TAFA5: variants seen among roughly 807,000 people sequenced by gnomAD.
TAFA5 encodes the protein chemokine-like protein TAFA-5.
TAFA5 carries 6 observed loss-of-function variants against 15.3 expected under a neutral mutation model. The observed-to-expected ratio is 0.39, with a 90% CI of 0.21 to 0.77. TAFA5 has a LOEUF of 0.77. Among genes scored for constraint, TAFA5 ranks in the 30% least tolerant of loss-of-function variants. TAFA5 has a pLI of 0.41. For missense variants in TAFA5, 161 were observed against 193.1 expected, an observed-to-expected ratio of 0.83 and a Z score of 0.98; for synonymous variants, 103 against 80.7, an observed-to-expected ratio of 1.28 and a Z score of -1.48.
chr22:48,676,605 G>T (rs1390517630), intron 2 of TAFA5, among the ~76,000 whole-genome samples: 3 of 152,190 alleles, frequency 2.0e-5, no homozygotes, highest in Non-Finnish European at 2.9e-5. Context: ...CCTGCAAATG[G>T]CCCCCCACGA....
intron 3 of TAFA5, among the ~76,000 whole-genome samples, chr22:48,708,597 A>C (rs132240): frequency 6.6e-6 from 1 of 152,076 alleles, no homozygotes; most frequent in African/African-American, 2.4e-5. Flanking sequence ...CATTCCCATG[A>C]GGTGGCCTCA....
At position 48,600,804 on chromosome 22, in the gene TAFA5, A is replaced by G. The variant is rs139395094; in HGVS notation, c.113-45793A>G. Among the ~76,000 whole-genome samples, 569 of 152,308 alleles carry G rather than the reference A, an allele frequency of 3.7e-3. 2 individuals carry two copies. Among genetic ancestry groups the G allele is most frequent in the Non-Finnish European group, 6.9e-3 (471 of 68,014 alleles). On this transcript the variant is annotated intron_variant, in intron 1 of 3. Transcript: ENST00000402357. ...AATCGTCCCTTTGTCCATCAGACTC[A>G]AGCCATAGCTGCTGCGTACCCACTG...
intron 1 of TAFA5, among the ~76,000 whole-genome samples, chr22:48,569,959 C>T (rs73425926): frequency 0.065 from 9,861 of 152,342 alleles, 961 homozygotes; most frequent in African/African-American, 0.21. Flanking sequence ...CCAGTGCCCC[C>T]GCACACATAG....
intron 1 of TAFA5, among the ~76,000 whole-genome samples, chr22:48,491,585 G>C (rs1174722668): frequency 6.6e-6 from 1 of 152,240 alleles, no homozygotes. Context: ...AGGGCCCTGT[G>C]GCTTCAACAC....
chr22:48,582,819 CACCACACACAATAA>C (rs1251095151), intron 1 of TAFA5, among the ~76,000 whole-genome samples: 247 of 61,106 alleles, frequency 4.0e-3, no homozygotes, highest in African/African-American at 0.016. Context: ...ATACACCACA[CACCACACACAATAA>C]ACCACACACA....
chr22:48,725,182 G>A (rs528205872), intron 3 of TAFA5, among the ~76,000 whole-genome samples: 100 of 152,354 alleles, frequency 6.6e-4, no homozygotes, highest in Non-Finnish European at 9.3e-4. Flanking sequence ...AGGCCATCCC[G>A]GAGTGGGCAG....
chr22:48,523,740 A>G (rs533752116), intron 1 of TAFA5, among the ~76,000 whole-genome samples: 1 of 152,316 alleles, frequency 6.6e-6, no homozygotes, highest in East Asian at 1.9e-4. Flanking sequence ...GGCAGCCCAG[A>G]CTTACTACCA....
At chr22:48,662,745 G>T (rs1460176637) in intron 2 of TAFA5, among the ~76,000 whole-genome samples, 2 of 152,198 alleles carry the variant, frequency 1.3e-5, no homozygotes, top group African/African-American at 2.4e-5. Context: ...GAGTGTTGAG[G>T]TCACCAGGGA....
chr22:48,625,251 A>T (rs1601624414), intron 1 of TAFA5, among the ~76,000 whole-genome samples: 1 of 152,094 alleles, frequency 6.6e-6, no homozygotes, highest in South Asian at 2.1e-4. Flanking sequence ...AATGTGTATG[A>T]CCCACCAGTC....
At position 48,604,645 on chromosome 22, in the gene TAFA5, T is replaced by C. The variant is rs543397200; in HGVS notation, c.113-41952T>C. 1.8e-3 allele frequency among the ~76,000 whole-genome samples: 280 copies of C among 152,334 alleles called. 1 individual carries two copies. The highest frequency in any genetic ancestry group is 0.014 in the Middle Eastern group (4 of 294). Reference sequence around the variant, plus strand: ...ATTTCTCCCATGGAAGGTGAGCACATCTGGGAGGTGTGCAAGCCCCCAGCT... The same window carrying C: ...ATTTCTCCCATGGAAGGTGAGCACACCTGGGAGGTGTGCAAGCCCCCAGCT... On this transcript the variant is annotated intron_variant, in intron 1 of 3. Coordinates refer to ENST00000402357, the MANE Select transcript of TAFA5 (RefSeq NM_001082967.3).
At chr22:48,616,490 C>A (rs1219600403) in intron 1 of TAFA5, among the ~76,000 whole-genome samples, 5 of 152,322 alleles carry the variant, frequency 3.3e-5, no homozygotes, top group Non-Finnish European at 5.9e-5. Context: ...TAATGCGTCA[C>A]CCGCCCATGC....
At chr22:48,661,138 T>A (rs1156743859) in intron 2 of TAFA5, among the ~76,000 whole-genome samples, 3 of 152,164 alleles carry the variant, frequency 2.0e-5, no homozygotes, top group African/African-American at 7.2e-5. Flanking sequence ...GTCCAAATCG[T>A]CTGGACCCCT....
At chr22:48,499,837 G>A (rs1252808359) in intron 1 of TAFA5, among the ~76,000 whole-genome samples, 1 of 152,192 alleles carries the variant, frequency 6.6e-6, no homozygotes, top group East Asian at 1.9e-4. Flanking sequence ...TGCATGTGGT[G>A]GGCTGGGGCG....
intron 1 of TAFA5, among the ~76,000 whole-genome samples, chr22:48,553,542 G>A (rs978612529): frequency 1.3e-4 from 20 of 152,142 alleles, no homozygotes; most frequent in Admixed American, 3.3e-4. Flanking sequence ...GTGAGGAGGC[G>A]TCCCAGGGAT....
intron 1 of TAFA5, among the ~76,000 whole-genome samples, chr22:48,615,848 T>C (rs944137056): frequency 6.6e-6 from 1 of 152,198 alleles, no homozygotes; most frequent in Non-Finnish European, 1.5e-5. Flanking sequence ...CCTCTCTGCA[T>C]TGCACATCCC....
intron 2 of TAFA5, among the ~76,000 whole-genome samples, chr22:48,685,729 G>A (rs1209632778): frequency 6.6e-6 from 1 of 151,916 alleles, no homozygotes; most frequent in African/African-American, 2.4e-5. Flanking sequence ...AGTTGGCTGG[G>A]GGGCTTAGGG....
intron 3 of TAFA5, among the ~76,000 whole-genome samples, chr22:48,710,687 G>A (rs1337436062): frequency 6.6e-6 from 1 of 152,318 alleles, no homozygotes; most frequent in East Asian, 1.9e-4. Context: ...CTTATTCTGG[G>A]GCATTTGAGG....
At chr22:48,622,614 G>C (rs1925879753) in intron 1 of TAFA5, among the ~76,000 whole-genome samples, 1 of 152,246 alleles carries the variant, frequency 6.6e-6, no homozygotes, top group Non-Finnish European at 1.5e-5. Flanking sequence ...GGGCTCGGAG[G>C]AGCCTGACCA....
intron 1 of TAFA5, among the ~76,000 whole-genome samples, chr22:48,510,993 T>G (rs1466966618): frequency 6.6e-6 from 1 of 152,234 alleles, no homozygotes; most frequent in Non-Finnish European, 1.5e-5. Context: ...GGGCACCCCA[T>G]GTGCCTGGCC....
Sources: gnomAD v4.1 joint callset for allele counts (sites outside exome capture counted in the v4.1 genomes callset) on GRCh38, gnomAD v4.1.1 for gene constraint, MANE v1.5 for transcripts, NCBI Gene and HGNC (gene_info 2026-07-23, HGNC 2026-07-21) for gene names.